Variants in MAN1A2 observed in about 807,000 individuals in gnomAD.
MAN1A2 encodes mannosyl-oligosaccharide 1,2-alpha-mannosidase IB.
A neutral mutation model predicts 75.7 loss-of-function variants in MAN1A2; 26 were observed. That is an observed-to-expected ratio of 0.34 (90% CI 0.25 to 0.48). The LOEUF (loss-of-function observed/expected upper bound fraction) is 0.48. Ranked by LOEUF, MAN1A2 falls within the 20% of genes least tolerant of loss-of-function variation. MAN1A2 has a pLI of 0.99. For missense variants in MAN1A2, 562 were observed against 775.5 expected (o/e 0.72, Z 3.27); for synonymous variants, 247 against 264.6 (o/e 0.93, Z 0.65).
chr1:117,497,214 T>G (rs1651058258), intron 10 of MAN1A2, among the ~76,000 whole-genome samples: 1 of 151,994 alleles, frequency 6.6e-6, no homozygotes, highest in South Asian at 2.1e-4. Flanking sequence ...GAAGTAATTG[T>G]TTTAAAGACA....
At chr1:117,508,128 C>T (rs1651427817) in intron 12 of MAN1A2, among the ~76,000 whole-genome samples, 1 of 151,704 alleles carries the variant, frequency 6.6e-6, no homozygotes, top group Non-Finnish European at 1.5e-5. Context: ...TTAGTGTCTA[C>T]ACCCATTCAC....
chr1:117,501,356 C>T (rs1651195295), intron 11 of MAN1A2, among the ~76,000 whole-genome samples: 1 of 151,744 alleles, frequency 6.6e-6, no homozygotes, highest in South Asian at 2.1e-4. Flanking sequence ...GAGGCGGTGT[C>T]ATATCTTAAA....
intron 4 of MAN1A2, among the ~76,000 whole-genome samples, chr1:117,416,014 TG>T (rs1298531280): frequency 6.6e-6 from 1 of 152,142 alleles, no homozygotes; most frequent in Non-Finnish European, 1.5e-5. Context: ...TTTTGTATCT[TG>T]TTTAAGAAAG....
chr1:117,440,255 G>A (rs1470060351), intron 5 of MAN1A2, among the ~76,000 whole-genome samples: 1 of 152,204 alleles, frequency 6.6e-6, no homozygotes, highest in Non-Finnish European at 1.5e-5. Flanking sequence ...GTTTGGGAAT[G>A]AGGATTTTAT....
intron 7 of MAN1A2, among the ~76,000 whole-genome samples, chr1:117,462,802 A>T (rs974039240): frequency 2.6e-5 from 4 of 152,160 alleles, no homozygotes; most frequent in Non-Finnish European, 5.9e-5. Context: ...GGGTATGACA[A>T]GAATGACCCA....
At chr1:117,441,149 A>G (rs367913625) in intron 5 of MAN1A2, among the ~76,000 whole-genome samples, 1 of 152,174 alleles carries the variant, frequency 6.6e-6, no homozygotes, top group African/African-American at 2.4e-5. Flanking sequence ...TGAGGGACAG[A>G]GTGAATGAAG....
intron 8 of MAN1A2, among the ~76,000 whole-genome samples, chr1:117,474,273 T>C (rs972164288): frequency 2.6e-5 from 4 of 151,992 alleles, no homozygotes; most frequent in African/African-American, 7.2e-5. Flanking sequence ...CCACCTACTT[T>C]TCCCATTTAC....
rs1652047580 is a variant in MAN1A2, at chr1:117,526,952, T to C, written c.*3995T>C. On this transcript the variant is annotated 3_prime_UTR_variant, in exon 13 of 13. Coordinates refer to ENST00000356554, the MANE Select transcript of MAN1A2 (RefSeq NM_006699.5). ...TATGAGAGATCAAGATCTATATATG[T>C]ATATAAATACAATTATACACAGATA... 6.9e-6 allele frequency: 1 copy of C among 145,072 alleles called. No individual in the cohort carries two copies. Among genetic ancestry groups the C allele is most frequent in the East Asian group, 2.0e-4 (1 of 4,908 alleles). 9.0% of individuals were successfully genotyped at this position (145,072 alleles called of 1,614,324 possible). A position where few individuals can be genotyped will look rare whatever the true frequency, so the allele number is the denominator to read the frequency against.
intron 1 of MAN1A2, among the ~76,000 whole-genome samples, chr1:117,383,366 A>G (rs972824760): frequency 6.6e-6 from 1 of 152,136 alleles, no homozygotes; most frequent in Non-Finnish European, 1.5e-5. Context: ...TCAGTTTGCT[A>G]GTATTTTGAG....
intron 8 of MAN1A2, among the ~76,000 whole-genome samples, chr1:117,483,523 T>A (rs1229035263): frequency 6.6e-6 from 1 of 152,114 alleles, no homozygotes; most frequent in Non-Finnish European, 1.5e-5. Flanking sequence ...AGTTCACTCA[T>A]GATTTGGGTC....
At chr1:117,469,604 A>C (rs1433666737) in intron 8 of MAN1A2, among the ~76,000 whole-genome samples, 2 of 152,130 alleles carry the variant, frequency 1.3e-5, no homozygotes, top group Non-Finnish European at 2.9e-5. Context: ...GAACTCCTAC[A>C]ACTCACTAAC....
chr1:117,372,802 G>T, intron 1 of MAN1A2, among the ~76,000 whole-genome samples: 1 of 150,516 alleles, frequency 6.6e-6, no homozygotes, highest in African/African-American at 2.4e-5. Context: ...TTTATAGATG[G>T]GCTTTGTGAG....
intron 1 of MAN1A2, among the ~76,000 whole-genome samples, chr1:117,383,006 A>G (rs1261068966): frequency 6.6e-6 from 1 of 152,026 alleles, no homozygotes; most frequent in African/African-American, 2.4e-5. Context: ...TTCCTTTCCA[A>G]TTTGGATGTC....
intron 10 of MAN1A2, among the ~76,000 whole-genome samples, chr1:117,498,655 G>A (rs1461429239): frequency 1.3e-5 from 2 of 151,488 alleles, no homozygotes; most frequent in Non-Finnish European, 3.0e-5. Context: ...TCTTTGTTAT[G>A]GTAAACCAAA....
intron 5 of MAN1A2, among the ~76,000 whole-genome samples, chr1:117,429,440 C>A: frequency 7.5e-6 from 1 of 133,458 alleles, no homozygotes; most frequent in Middle Eastern, 4.0e-3. Context: ...GGGCTGACCC[C>A]CCCCACCTCC....
At chr1:117,420,412 C>T (rs1269200837) in intron 4 of MAN1A2, among the ~76,000 whole-genome samples, 157 bp from the exon 5 acceptor site, 2 of 151,890 alleles carry the variant, frequency 1.3e-5, no homozygotes, top group East Asian at 1.9e-4. Context: ...CATTAACAAA[C>T]GAGAGGAGAG....
At chr1:117,505,636 C>T (rs1651335501) in intron 12 of MAN1A2, among the ~76,000 whole-genome samples, 1 of 151,254 alleles carries the variant, frequency 6.6e-6, no homozygotes, top group Non-Finnish European at 1.5e-5. Flanking sequence ...GCAGTACATT[C>T]AGCATTGCAC....
chr1:117,502,873 C>T lies in MAN1A2; in HGVS notation c.1696C>T (p.Arg566Ter), dbSNP rs1293601431. Residue 566 changes from arginine to a stop codon, truncating the protein, a stop_gained, in exon 12 of 13, where the codon CGA becomes TGA. Transcript: ENST00000356554. LOFTEE classifies it high-confidence loss of function. Reference protein sequence around the residue: ...EAALAIEKYCRVNGGFSGVKD... With the variant: ...EAALAIEKYC ...TTCATAGGCCATTGAAAAGTATTGCCGAGTTAATGGTGGGTTTTCTGGAGT... is the reference window on the plus strand; with the variant it reads ...TTCATAGGCCATTGAAAAGTATTGCTGAGTTAATGGTGGGTTTTCTGGAGT... 1.9e-6 allele frequency: 3 copies of T among 1,598,328 alleles called. No homozygotes were observed. The highest frequency in any genetic ancestry group is 1.7e-6 in the Non-Finnish European group (2 of 1,167,888).
At chr1:117,412,621 G>A (rs1451041637) in intron 3 of MAN1A2, among the ~76,000 whole-genome samples, 1 of 151,634 alleles carries the variant, frequency 6.6e-6, no homozygotes, top group Non-Finnish European at 1.5e-5. Flanking sequence ...AACTGCTTTA[G>A]TTGATTCACT....
Sources: allele counts gnomAD v4.1 joint callset (sites outside exome capture counted in the v4.1 genomes callset), GRCh38; gene constraint gnomAD v4.1.1; transcripts MANE v1.5; gene names NCBI Gene and HGNC (gene_info 2026-07-23, HGNC 2026-07-21).